Variants in SPECC1 observed in about 807,000 individuals in gnomAD.
SPECC1 encodes sperm antigen with calponin homology and coiled-coil domains 1.
Under a neutral mutation model 104.1 loss-of-function variants are expected in SPECC1, and 62 were observed. The ratio of observed to expected loss-of-function variants is 0.60; its 90% CI spans 0.49 to 0.74. The LOEUF (loss-of-function observed/expected upper bound fraction) is 0.74. SPECC1 is among the 30% of genes least tolerant of loss of function. The probability of loss-of-function intolerance (pLI) is 0.00; values close to 1 mark genes in which losing one functional copy is unlikely to be tolerated. For synonymous variants in SPECC1, 513 were observed against 501.6 expected (o/e 1.02, Z -0.30); for missense variants, 1,306 against 1,310.5 (o/e 1.00, Z 0.05).
At chr17:20,046,038 G>A (rs1370048414) in intron 1 of SPECC1, among the ~76,000 whole-genome samples, 1 of 150,084 alleles carries the variant, frequency 6.7e-6, no homozygotes, top group Admixed American at 6.6e-5. Context: ...CATTAGCATA[G>A]TAATATTACT....
chr17:20,170,559 C>T (rs192076453), intron 3 of SPECC1, among the ~76,000 whole-genome samples: 1 of 152,276 alleles, frequency 6.6e-6, no homozygotes, highest in Non-Finnish European at 1.5e-5. Flanking sequence ...ACCTTGCCCA[C>T]CCTACTGTCT....
chr17:20,218,965 G>A (rs2037688452), intron 4 of SPECC1, among the ~76,000 whole-genome samples: 1 of 152,132 alleles, frequency 6.6e-6, no homozygotes, highest in Non-Finnish European at 1.5e-5. Context: ...CATCCATGTT[G>A]TTGCAAATAG....
chr17:20,100,525 A>G (rs1353259165), intron 2 of SPECC1, among the ~76,000 whole-genome samples: 1 of 152,180 alleles, frequency 6.6e-6, no homozygotes, highest in Non-Finnish European at 1.5e-5. Flanking sequence ...GCATCTCACT[A>G]TATTTGCTTT....
chr17:20,293,207 T>C (rs2041230205), intron 12 of SPECC1, among the ~76,000 whole-genome samples: 1 of 151,896 alleles, frequency 6.6e-6, no homozygotes, highest in Admixed American at 6.6e-5. Context: ...TTATAGGCTT[T>C]TTTTTTTTGC....
Position 20,010,144 on chromosome 17 carries a change from CT to C in SPECC1, c.-22+737del, listed in dbSNP as rs556172596. 675 of 132,812 alleles carry C rather than the reference CT, an allele frequency of 5.1e-3. 1 individual carries two copies. The highest frequency in any genetic ancestry group is 0.012 in the African/African-American group (436 of 35,248). The allele number at this position is 132,812 out of a possible 1,614,324, so 8.2% of individuals were successfully genotyped here. ...CAAGGAAATTAGTGTTATGTGCTTGCTTTTTTTTTTTTTTTTTCCTAAGGAA... is the reference window on the plus strand; with the variant it reads ...CAAGGAAATTAGTGTTATGTGCTTGCTTTTTTTTTTTTTTTTCCTAAGGAA... On this transcript the variant is annotated intron_variant, in intron 1 of 14. Transcript: ENST00000395527.
chr17:20,293,378 A>G (rs918498000), intron 12 of SPECC1, among the ~76,000 whole-genome samples: 1 of 152,156 alleles, frequency 6.6e-6, no homozygotes, highest in African/African-American at 2.4e-5. Context: ...TCTTAATGTC[A>G]TGCATTATTT....
At chr17:20,120,692 T>G (rs1342259847) in intron 3 of SPECC1, among the ~76,000 whole-genome samples, 1 of 152,208 alleles carries the variant, frequency 6.6e-6, no homozygotes, top group Non-Finnish European at 1.5e-5. Context: ...ATTATCTATA[T>G]TTTATTTCAA....
intron 3 of SPECC1, among the ~76,000 whole-genome samples, chr17:20,186,895 C>T (rs899954150): frequency 6.6e-6 from 1 of 152,106 alleles, no homozygotes; most frequent in African/African-American, 2.4e-5. Flanking sequence ...TTAATTGTTG[C>T]CTGATGTCCC....
intron 3 of SPECC1, among the ~76,000 whole-genome samples, chr17:20,122,397 T>C (rs2049079516): frequency 6.6e-6 from 1 of 152,198 alleles, no homozygotes; most frequent in African/African-American, 2.4e-5. Context: ...TGGGCTGGGC[T>C]GGCAGCCATG....
chr17:20,157,747 C>T (rs541055509), intron 3 of SPECC1, among the ~76,000 whole-genome samples: 2 of 152,116 alleles, frequency 1.3e-5, no homozygotes, highest in Non-Finnish European at 2.9e-5. Flanking sequence ...ATGTTTATGC[C>T]AGTGACTTAT....
intron 3 of SPECC1, among the ~76,000 whole-genome samples, chr17:20,199,166 A>G (rs1597951098): frequency 7.6e-6 from 1 of 131,376 alleles, no homozygotes; most frequent in Admixed American, 9.1e-5. Flanking sequence ...AGCTCACTGC[A>G]CCCTTCGTCT....
intron 1 of SPECC1, among the ~76,000 whole-genome samples, chr17:20,051,074 TTCTTTCTTTC>T (rs1325442003): frequency 0.013 from 814 of 64,090 alleles, 14 homozygotes; most frequent in South Asian, 0.021. Flanking sequence ...TTCTTTTTCT[TTCTTTCTTTC>T]TTTCTTTCTT....
chr17:20,071,094 C>T (rs982444724), intron 1 of SPECC1, among the ~76,000 whole-genome samples: 7 of 152,124 alleles, frequency 4.6e-5, no homozygotes, highest in Non-Finnish European at 7.4e-5. Context: ...TTTGCAAGCA[C>T]AATCATAGTG....
At chr17:20,031,331 T>G (rs2044802338) in intron 1 of SPECC1, among the ~76,000 whole-genome samples, 1 of 152,080 alleles carries the variant, frequency 6.6e-6, no homozygotes, top group African/African-American at 2.4e-5. Flanking sequence ...TTATTTTTTA[T>G]TTTTTGAGAC....
chr17:20,078,378 T>TA (rs896736433), intron 1 of SPECC1, among the ~76,000 whole-genome samples: 1 of 151,844 alleles, frequency 6.6e-6, no homozygotes, highest in African/African-American at 2.4e-5. Flanking sequence ...GCAAAGGTTA[T>TA]AAAAAAGCAA....
At chr17:20,253,459 T>C in intron 9 of SPECC1, 46 bp from the exon 10 acceptor site, 2 of 1,590,542 alleles carry the variant, frequency 1.3e-6, no homozygotes, top group Non-Finnish European at 1.7e-6. Flanking sequence ...TGTGCTATTC[T>C]TGATGTTATG....
At position 20,232,398 on chromosome 17, in the gene SPECC1, G is replaced by A. The variant is rs1219880013; in HGVS notation, c.2344G>A (p.Ala782Thr). Residue 782 changes from alanine (A) to threonine (T), a missense_variant, in exon 7 of 15, where the codon GCC becomes ACC. Physicochemically the swap from Ala to Thr is moderately conservative, Grantham distance 58. Around this residue, in one of 2 missense-constraint regions of SPECC1, gnomAD observed 1,177 missense variants for 1,139.9 expected, o/e 1.03. Transcript: ENST00000395527. ...CGGCAGGGTGGTCACCAGCAGAGCC[G>A]CCCCTCCGTGAGTCTGGTGGGCACC... ...GHGRVVTSRA[A>T]PPPVDEEPES... The A allele has an allele frequency of 1.2e-5, 19 of 1,606,388 alleles. No individual in the cohort carries two copies. The highest frequency in any genetic ancestry group is 1.4e-5 in the Non-Finnish European group (16 of 1,176,432).
At chr17:20,151,169 T>C (rs1323061216) in intron 3 of SPECC1, among the ~76,000 whole-genome samples, 1 of 152,198 alleles carries the variant, frequency 6.6e-6, no homozygotes, top group Non-Finnish European at 1.5e-5. Context: ...CCCTGACTTA[T>C]GATGGTTTGA....
chr17:20,171,641 A>G (rs940979431), intron 3 of SPECC1, among the ~76,000 whole-genome samples: 1 of 151,844 alleles, frequency 6.6e-6, no homozygotes, highest in Admixed American at 6.6e-5. Flanking sequence ...TCGACCTCCC[A>G]GGCTCAAGTG....
Sources: gnomAD v4.1 joint callset for allele counts (sites outside exome capture counted in the v4.1 genomes callset) on GRCh38, gnomAD v4.1.1 for gene constraint, gnomAD v4.1.1 regional missense constraint, MANE v1.5 for transcripts, NCBI Gene and HGNC (gene_info 2026-07-23, HGNC 2026-07-21) for gene names.